The following TFCP2 variants were observed in gnomAD, a reference collection of about 807,000 sequenced individuals.
TFCP2 encodes transcription factor CP2, also known as alpha-globin transcription factor CP2.
In TFCP2, 33 loss-of-function variants were observed where a neutral mutation model predicts 73.4. The observed-to-expected ratio is 0.45, with a 90% confidence interval of 0.34 to 0.60. The LOEUF (loss-of-function observed/expected upper bound fraction) is 0.60, where lower values mean the gene tolerates loss of function less well. TFCP2 is among the 20% of genes least tolerant of loss of function. TFCP2 has a pLI of 0.01. For synonymous variants in TFCP2, 193 were observed against 211.6 expected (o/e 0.91, Z 0.76); for missense variants, 352 against 604.0 (o/e 0.58, Z 4.37).
Position 51,172,641 on chromosome 12 carries a change from C to A in TFCP2, c.-219G>T. 1 of 538,458 alleles carries A rather than the reference C, an allele frequency of 1.9e-6. No individual in the cohort carries two copies. The highest frequency in any genetic ancestry group is 3.3e-6 in the Non-Finnish European group (1 of 307,660). The allele number at this position is 538,458 out of a possible 1,614,324, so 33.4% of individuals were successfully genotyped here. A position where few individuals can be genotyped will look rare whatever the true frequency, so the allele number is the denominator to read the frequency against. On this transcript the variant is annotated 5_prime_UTR_variant, in exon 1 of 15. Transcript: ENST00000257915. ...CTTGGCTGCCCCAGGTTCCAAAATC[C>A]CCCCTGCCCAGCTCTCAGGAACGTG... is the stretch of plus-strand genomic sequence containing the variant.
intron 6 of TFCP2, 103 bp from the exon 7 acceptor site, chr12:51,107,449 T>C: frequency 2.3e-6 from 2 of 869,690 alleles, no homozygotes; most frequent in Non-Finnish European, 3.8e-6. Context: ...AAATTGTATG[T>C]GCAGTGATGT....
At chr12:51,127,925 C>CTT (rs11421627) in intron 1 of TFCP2, among the ~76,000 whole-genome samples, 15,497 of 146,186 alleles carry the variant, frequency 0.11, 990 homozygotes, top group African/African-American at 0.18. Context: ...ATTTTCTTTT[C>CTT]TTTTTTTTTT....
At chr12:51,105,128 C>G (rs1281786197) in intron 8 of TFCP2, among the ~76,000 whole-genome samples, 2 of 150,686 alleles carry the variant, frequency 1.3e-5, no homozygotes, top group Admixed American at 1.3e-4. Context: ...GAGTTTCACT[C>G]GTTTGCCCAG....
At chr12:51,111,096 A>T in intron 4 of TFCP2, 113 bp from the exon 5 acceptor site, 14 of 712,772 alleles carry the variant, frequency 2.0e-5, no homozygotes, top group African/African-American at 7.9e-5. Context: ...TGTATATCAC[A>T]TCCTAAATTT....
chr12:51,105,680 G>C (rs1282027813), intron 8 of TFCP2, among the ~76,000 whole-genome samples: 1 of 151,640 alleles, frequency 6.6e-6, no homozygotes, highest in Non-Finnish European at 1.5e-5. Flanking sequence ...CTTATCTTAG[G>C]GCCCTACTTA....
chr12:51,138,872 A>G (rs560799521), intron 1 of TFCP2, among the ~76,000 whole-genome samples: 2 of 152,026 alleles, frequency 1.3e-5, no homozygotes, highest in African/African-American at 2.4e-5. Flanking sequence ...TCCCAACCTC[A>G]GGTGATCCAC....
intron 1 of TFCP2, chr12:51,124,560 C>T (rs1264298434): frequency 1.9e-5 from 9 of 465,600 alleles, no homozygotes; most frequent in African/African-American, 4.0e-5. Flanking sequence ...AGTCAGCCTG[C>T]GGAGGTGCAG....
intron 1 of TFCP2, among the ~76,000 whole-genome samples, chr12:51,126,455 G>A (rs763098005): frequency 2.0e-5 from 3 of 152,008 alleles, no homozygotes; most frequent in South Asian, 4.1e-4. Flanking sequence ...ATGGTCCCCC[G>A]AGGTATAAAT....
chr12:51,117,807 A>T (rs1248297862), intron 2 of TFCP2, 60 bp from the exon 3 acceptor site: 2 of 1,206,190 alleles, frequency 1.7e-6, no homozygotes, highest in Non-Finnish European at 2.4e-6. Flanking sequence ...TAGATTCGGA[A>T]AGAATAAAAT....
intron 1 of TFCP2, among the ~76,000 whole-genome samples, chr12:51,170,583 C>A (rs141115526): frequency 1.3e-5 from 2 of 151,956 alleles, no homozygotes; most frequent in Non-Finnish European, 2.9e-5. Context: ...TCTCCACCCC[C>A]CAAAGTGCTG....
At chr12:51,099,370 C>A (rs531222045) in intron 12 of TFCP2, among the ~76,000 whole-genome samples, 1 of 151,322 alleles carries the variant, frequency 6.6e-6, no homozygotes, top group Non-Finnish European at 1.5e-5. Flanking sequence ...TCTAGCTACT[C>A]GGTAGGCTGA....
chr12:51,136,674 G>A (rs113270601), intron 1 of TFCP2, among the ~76,000 whole-genome samples: 2 of 152,068 alleles, frequency 1.3e-5, no homozygotes, highest in South Asian at 2.1e-4. Context: ...TGTGGTTCAC[G>A]CCTATAATCC....
intron 1 of TFCP2, among the ~76,000 whole-genome samples, chr12:51,129,386 G>T (rs1398261401): frequency 6.6e-6 from 1 of 151,782 alleles, no homozygotes; most frequent in African/African-American, 2.4e-5. Flanking sequence ...TTTGGCAGGC[G>T]CCTGTAATCC....
chr12:51,114,873 C>T (rs1282583778), intron 4 of TFCP2, among the ~76,000 whole-genome samples: 1 of 151,394 alleles, frequency 6.6e-6, no homozygotes, highest in Non-Finnish European at 1.5e-5. Flanking sequence ...ACTACCCTGG[C>T]CAACATGGTG....
chr12:51,115,877 C>T (rs1389919827), intron 4 of TFCP2, among the ~76,000 whole-genome samples: 1 of 152,072 alleles, frequency 6.6e-6, no homozygotes, highest in Non-Finnish European at 1.5e-5. Flanking sequence ...TAGTGGTTAC[C>T]AGGGGCTGTG....
chr12:51,167,282 C>G (rs1375850377), intron 1 of TFCP2, among the ~76,000 whole-genome samples: 1 of 152,022 alleles, frequency 6.6e-6, no homozygotes, highest in Admixed American at 6.6e-5. Context: ...TCATAAGATG[C>G]AACAGAAAAT....
intron 1 of TFCP2, among the ~76,000 whole-genome samples, chr12:51,140,910 G>T (rs1941179419): frequency 6.6e-6 from 1 of 151,882 alleles, no homozygotes; most frequent in Admixed American, 6.6e-5. Flanking sequence ...ACAAAAATTA[G>T]CCAGGCGTGG....
At chr12:51,168,075 A>T (rs577583232) in intron 1 of TFCP2, among the ~76,000 whole-genome samples, 1 of 124,640 alleles carries the variant, frequency 8.0e-6, no homozygotes, top group Non-Finnish European at 1.7e-5. Context: ...AAACATAAAT[A>T]ATAAGACAAA....
At chr12:51,131,723 A>C (rs549629679) in intron 1 of TFCP2, among the ~76,000 whole-genome samples, 45 of 152,328 alleles carry the variant, frequency 3.0e-4, no homozygotes, top group Non-Finnish European at 5.3e-4. Flanking sequence ...TTTGAAAAGA[A>C]AACTTCAGTC....
Sources: gnomAD v4.1 joint callset for allele counts (sites outside exome capture counted in the v4.1 genomes callset) on GRCh38, gnomAD v4.1.1 for gene constraint, MANE v1.5 for transcripts, NCBI Gene and HGNC (gene_info 2026-07-23, HGNC 2026-07-21) for gene names.